LRRC4C: variants seen among roughly 807,000 people sequenced by gnomAD.
LRRC4C encodes leucine rich repeat containing 4C.
In LRRC4C, 5 loss-of-function variants were observed where a neutral mutation model predicts 33.6. The observed-to-expected ratio is 0.15, with a 90% CI of 0.08 to 0.31. The LOEUF (loss-of-function observed/expected upper bound fraction) is 0.31. Ranked by LOEUF, LRRC4C falls within the 10% of genes least tolerant of loss-of-function variation. The pLI is 1.00. For missense variants in LRRC4C, 560 were observed against 796.7 expected (o/e 0.70, Z 3.58); for synonymous variants, 329 against 302.0 (o/e 1.09, Z -0.93).
Position 40,317,576 on chromosome 11 carries a change from A to G in LRRC4C, c.-176+2052T>C, listed in dbSNP as rs190359041. Among the ~76,000 whole-genome samples, 151 of 152,058 alleles carry G rather than the reference A, an allele frequency of 9.9e-4. 2 individuals are homozygous for G. Among genetic ancestry groups the G allele is most frequent in the African/African-American group, 3.5e-3 (145 of 41,502 alleles). Reference sequence around the variant, plus strand: ...TGCATTTGTGATCATATTTCCTGAAACCCATGCCCTTCTATGTGTTTCATC... The same window carrying G: ...TGCATTTGTGATCATATTTCCTGAAGCCCATGCCCTTCTATGTGTTTCATC... On this transcript the variant is annotated intron_variant, in intron 4 of 6. Transcript: ENST00000528697.
At chr11:40,607,716 A>T (rs1367366699) in intron 3 of LRRC4C, among the ~76,000 whole-genome samples, 1 of 152,162 alleles carries the variant, frequency 6.6e-6, no homozygotes, top group Non-Finnish European at 1.5e-5. Context: ...TAGGACAAAA[A>T]CCTTGGGATG....
chr11:40,283,619 T>A (rs974090652), intron 4 of LRRC4C, among the ~76,000 whole-genome samples: 1 of 150,396 alleles, frequency 6.6e-6, no homozygotes, highest in African/African-American at 2.4e-5. Context: ...TCTCCCCAGA[T>A]ACACTGAAAA....
chr11:40,748,761 T>C (rs1331946800), intron 2 of LRRC4C, among the ~76,000 whole-genome samples: 2 of 152,048 alleles, frequency 1.3e-5, no homozygotes, highest in African/African-American at 2.4e-5. Context: ...AAGACACATA[T>C]AGATTGAAAG....
At chr11:41,335,083 C>G (rs1951410486) in intron 1 of LRRC4C, among the ~76,000 whole-genome samples, 1 of 152,140 alleles carries the variant, frequency 6.6e-6, no homozygotes, top group Non-Finnish European at 1.5e-5. Flanking sequence ...CCAGTTATAC[C>G]AATCTATTCA....
intron 2 of LRRC4C, among the ~76,000 whole-genome samples, chr11:40,874,721 A>G (rs1954805073): frequency 6.6e-6 from 1 of 152,196 alleles, no homozygotes; most frequent in Non-Finnish European, 1.5e-5. Context: ...AAATACACAG[A>G]TTTCATCTAT....
chr11:40,194,754 GAACTT>G (rs542775563), intron 5 of LRRC4C, among the ~76,000 whole-genome samples: 86 of 152,246 alleles, frequency 5.6e-4, no homozygotes, highest in African/African-American at 1.9e-3. Context: ...ATGTATCCCA[GAACTT>G]AAAGTATAAT....
chr11:40,723,889 G>A (rs1456006976), intron 2 of LRRC4C, among the ~76,000 whole-genome samples: 1 of 152,016 alleles, frequency 6.6e-6, no homozygotes, highest in South Asian at 2.1e-4. Context: ...GACACCCATA[G>A]GCTCAAAGTA....
intron 6 of LRRC4C, among the ~76,000 whole-genome samples, chr11:40,139,895 TTCTGTCTCTGA>T (rs1184118877): frequency 6.6e-6 from 1 of 152,218 alleles, no homozygotes; most frequent in Non-Finnish European, 1.5e-5. Flanking sequence ...GCCATCACTG[TTCTGTCTCTGA>T]TGGTTGAAAA....
intron 3 of LRRC4C, among the ~76,000 whole-genome samples, chr11:40,576,391 T>C (rs964717017): frequency 5.3e-5 from 8 of 152,224 alleles, no homozygotes; most frequent in African/African-American, 9.6e-5. Flanking sequence ...AGTTCCTTTT[T>C]ATAATTTTTA....
intron 3 of LRRC4C, among the ~76,000 whole-genome samples, chr11:40,361,978 T>C (rs1006914922): frequency 2.6e-5 from 4 of 152,182 alleles, no homozygotes; most frequent in Non-Finnish European, 4.4e-5. Context: ...AACTATCTGA[T>C]ATTTGACAAA....
intron 1 of LRRC4C, among the ~76,000 whole-genome samples, chr11:41,418,668 A>C (rs1420927447): frequency 1.3e-5 from 2 of 151,992 alleles, no homozygotes; most frequent in Non-Finnish European, 2.9e-5. Context: ...CATGTGAAAA[A>C]CATGAGCTCT....
At chr11:41,319,514 T>A (rs572777499) in intron 1 of LRRC4C, among the ~76,000 whole-genome samples, 66 of 152,278 alleles carry the variant, frequency 4.3e-4, no homozygotes, top group African/African-American at 1.5e-3. Context: ...ATATCATAAT[T>A]GCCAACTAAG....
intron 1 of LRRC4C, among the ~76,000 whole-genome samples, chr11:41,031,108 C>G (rs1856704445): frequency 6.6e-6 from 1 of 152,074 alleles, no homozygotes; most frequent in Non-Finnish European, 1.5e-5. Flanking sequence ...CTATTGCTTT[C>G]ACGTGGCTGC....
intron 1 of LRRC4C, among the ~76,000 whole-genome samples, chr11:41,065,676 A>G (rs1237313901): frequency 6.6e-6 from 1 of 152,192 alleles, no homozygotes; most frequent in Non-Finnish European, 1.5e-5. Context: ...TTGGCTGGCA[A>G]CAGGCCAGTA....
At chr11:40,121,781 G>T (rs117666940) in intron 6 of LRRC4C, among the ~76,000 whole-genome samples, 2 of 152,132 alleles carry the variant, frequency 1.3e-5, no homozygotes, top group Non-Finnish European at 2.9e-5. Flanking sequence ...GTCATCATAG[G>T]CTTTGTCTAA....
intron 1 of LRRC4C, among the ~76,000 whole-genome samples, chr11:40,949,242 G>C (rs1281272281): frequency 6.6e-6 from 1 of 152,066 alleles, no homozygotes; most frequent in African/African-American, 2.4e-5. Context: ...AAATTTGTTG[G>C]AGTTCATTGT....
intron 1 of LRRC4C, among the ~76,000 whole-genome samples, chr11:41,453,570 G>A (rs1374382627): frequency 6.6e-6 from 1 of 151,486 alleles, no homozygotes; most frequent in Non-Finnish European, 1.5e-5. Context: ...CATGGGCTTT[G>A]GAGTGAGTCA....
chr11:41,348,969 G>A (rs963182236), intron 1 of LRRC4C, among the ~76,000 whole-genome samples: 9 of 152,088 alleles, frequency 5.9e-5, no homozygotes, highest in Non-Finnish European at 1.2e-4. Context: ...GCACAGCCAC[G>A]GGTGCCCATA....
intron 1 of LRRC4C, among the ~76,000 whole-genome samples, chr11:41,256,297 T>A (rs993394532): frequency 6.6e-6 from 1 of 151,982 alleles, no homozygotes; most frequent in African/African-American, 2.4e-5. Context: ...CAAGTCTCAC[T>A]CAGCAGGTTC....
Sources: gnomAD v4.1 joint callset for allele counts (sites outside exome capture counted in the v4.1 genomes callset) on GRCh38, gnomAD v4.1.1 for gene constraint, MANE v1.5 for transcripts, NCBI Gene and HGNC (gene_info 2026-07-23, HGNC 2026-07-21) for gene names.